ZNF527: variants seen among roughly 807,000 people sequenced by gnomAD.
ZNF527 encodes the protein zinc finger protein 527.
In ZNF527, 5 loss-of-function variants were observed where a neutral mutation model predicts 13.5. The observed-to-expected ratio is 0.37, with a 90% CI of 0.19 to 0.78. ZNF527 has a LOEUF of 0.78. ZNF527 is among the 30% of genes least tolerant of loss of function. The pLI is 0.48. For missense variants in ZNF527, 628 were observed against 726.4 expected (o/e 0.86, Z 1.56); for synonymous variants, 209 against 243.1 (o/e 0.86, Z 1.30).
At chr19:37,375,298 C>CTTTCT (rs1555826966) in intron 2 of ZNF527, among the ~76,000 whole-genome samples, 3 of 103,740 alleles carry the variant, frequency 2.9e-5, no homozygotes, top group Admixed American at 2.0e-4. Flanking sequence ...TTCTTTCTTT[C>CTTTCT]TTTCTTTCTT....
At chr19:37,372,278 C>T (rs981551657) in intron 1 of ZNF527, among the ~76,000 whole-genome samples, 1 of 151,786 alleles carries the variant, frequency 6.6e-6, no homozygotes, top group Non-Finnish European at 1.5e-5. Flanking sequence ...GGATTACAGG[C>T]GTGAGGCGCT....
In ZNF527 at chr19:37,380,317, G is replaced by C. The variant is rs2040643348; in HGVS notation, c.201G>C (p.Glu67Asp). The C allele has an allele frequency of 6.2e-7, 1 of 1,613,968 alleles. No individual in the cohort carries two copies. The highest frequency in any genetic ancestry group is 8.5e-7 in the Non-Finnish European group (1 of 1,179,970). The change falls in exon 4 of 5, where the codon GAG (glutamate) becomes GAC (aspartate). Residue 67 changes from glutamate to aspartate, a missense_variant. Around this residue, in one of 3 missense-constraint regions of ZNF527, gnomAD observed 592 missense variants for 678.0 expected, o/e 0.87. Transcript: ENST00000436120. ...AGCCCAACATGATCTCCTTACTGGA[G>C]CAAGGGAAGGAACCGTGGATGGTGG... ...ISKPNMISLL[E>D]QGKEPWMVER...
chr19:37,374,868 C>G (rs1400587493), intron 2 of ZNF527, among the ~76,000 whole-genome samples: 1 of 152,108 alleles, frequency 6.6e-6, no homozygotes, highest in Non-Finnish European at 1.5e-5. Context: ...CAGGGGAGTA[C>G]AGGTGGAAGC....
In ZNF527 at chr19:37,380,474, C is replaced by T. The variant is rs1055796880; in HGVS notation, c.256+102C>T. On this transcript the variant is annotated intron_variant, in intron 4 of 4. Transcript: ENST00000436120. The stretch of plus-strand genomic sequence containing the variant: ...CTTCAGGTGGGATGAGAACTGAAAT[C>T]TCCATAGTATGTGCTTCCCTAGAAA... 48 of 926,772 alleles carry T rather than the reference C, an allele frequency of 5.2e-5. No homozygotes were observed. The African/African-American group carries it at 5.6e-4, about 11-fold the overall frequency. 57.4% of individuals were successfully genotyped at this position (926,772 alleles called of 1,614,324 possible). A position where few individuals can be genotyped will look rare whatever the true frequency, so the allele number is the denominator to read the frequency against.
intron 4 of ZNF527, chr19:37,385,668 T>A (rs2040691808): frequency 3.9e-6 from 1 of 255,028 alleles, no homozygotes; most frequent in African/African-American, 2.2e-5. Context: ...AATTAACCTG[T>A]GGTAAAAACA....
rs1555826993 is a variant in ZNF527 at position 37,375,311 on chromosome 19, T to TTTTCTTTCTTTC, written c.33+1097_33+1108dup. 2.9e-3 allele frequency among the ~76,000 whole-genome samples: 229 copies of TTTTCTTTCTTTC among 79,812 alleles called. 3 individuals carry two copies. Among genetic ancestry groups the TTTTCTTTCTTTC allele is most frequent in the South Asian group, 7.8e-3 (16 of 2,062 alleles). The allele number at this position is 79,812 out of a possible 152,430, so 52.4% of individuals were successfully genotyped here. On this transcript the variant is annotated intron_variant, in intron 2 of 4. Coordinates refer to ENST00000436120, the MANE Select transcript of ZNF527 (RefSeq NM_032453.2). ...CTTTCTTTCTTTCTTTCTTTCTTTC[T>TTTTCTTTCTTTC]TTTCTTTCTTTCTTTCTTTCTTTCT... is the stretch of plus-strand genomic sequence containing the variant.
At chr19:37,379,465 T>TC (rs1455685550) in intron 3 of ZNF527, 2 of 307,410 alleles carry the variant, frequency 6.5e-6, no homozygotes, top group Non-Finnish European at 1.1e-5. Context: ...AATTTCTTTT[T>TC]TTTTTTTTTT....
rs532006208 is a variant in ZNF527, at chr19:37,390,219, G to A, written c.*340G>A. 38 of 191,204 alleles carry A rather than the reference G, an allele frequency of 2.0e-4. No individual in the cohort carries two copies. The South Asian group carries it at 3.1e-3, about 16-fold the overall frequency. 11.8% of individuals were successfully genotyped at this position (191,204 alleles called of 1,614,324 possible). ...AATTTTTGTATTTTTAGTAGAGACGGGGTTTCACCACATTGGTCAGGCTGA... is the reference window on the plus strand; with the variant it reads ...AATTTTTGTATTTTTAGTAGAGACGAGGTTTCACCACATTGGTCAGGCTGA... On this transcript the variant is annotated 3_prime_UTR_variant, in exon 5 of 5. Transcript: ENST00000436120.
chr19:37,371,623 T>C (rs2040557562), intron 1 of ZNF527, among the ~76,000 whole-genome samples: 1 of 152,208 alleles, frequency 6.6e-6, no homozygotes, highest in South Asian at 2.1e-4. Flanking sequence ...TTTGAATGTG[T>C]GTGACAGCAA....
intron 2 of ZNF527, among the ~76,000 whole-genome samples, chr19:37,377,039 AAAC>A (rs1465442642): frequency 6.6e-6 from 1 of 152,208 alleles, no homozygotes; most frequent in Non-Finnish European, 1.5e-5. Context: ...ACACTGGTCT[AAAC>A]AACTTACGGG....
At position 37,391,569 on chromosome 19, in the gene ZNF527, C is replaced by CAAAA. The variant is rs74923218; in HGVS notation, c.*1709_*1712dup. The CAAAA allele has an allele frequency of 3.4e-5, 5 of 145,446 alleles. No individual in the cohort carries two copies. The highest frequency in any genetic ancestry group is 1.0e-4 in the African/African-American group (4 of 39,602). The allele number at this position is 145,446 out of a possible 1,614,324, so 9.0% of individuals were successfully genotyped here. ...GGGCAACAAGAGCGAAACTCCTTCTCAAAAAAAAAAAAAAAAAAAAAATAA... is the reference window on the plus strand; with the variant it reads ...GGGCAACAAGAGCGAAACTCCTTCTCAAAAAAAAAAAAAAAAAAAAAAAAAATAA... On this transcript the variant is annotated 3_prime_UTR_variant, in exon 5 of 5. Coordinates refer to ENST00000436120, the MANE Select transcript of ZNF527 (RefSeq NM_032453.2).
At chr19:37,386,766 G>T (rs561653427) in intron 4 of ZNF527, among the ~76,000 whole-genome samples, 2 of 152,228 alleles carry the variant, frequency 1.3e-5, no homozygotes, top group South Asian at 4.1e-4. Context: ...CTTTTATTCA[G>T]CATTAAGTTA....
At chr19:37,383,006 C>T (rs933860604) in intron 4 of ZNF527, among the ~76,000 whole-genome samples, 18 of 152,098 alleles carry the variant, frequency 1.2e-4, no homozygotes, top group South Asian at 8.3e-4. Context: ...CATGCCCGGC[C>T]GTATATACGT....
chr19:37,379,083 T>G, intron 2 of ZNF527, 37 bp from the exon 3 acceptor site: 2 of 1,613,828 alleles, frequency 1.2e-6, no homozygotes, highest in Non-Finnish European at 1.7e-6. Flanking sequence ...CATATAGGTG[T>G]CTGGGCACCT....
intron 4 of ZNF527, among the ~76,000 whole-genome samples, chr19:37,388,077 A>G (rs1321442975): frequency 1.3e-5 from 2 of 152,132 alleles, no homozygotes; most frequent in Non-Finnish European, 2.9e-5. Context: ...TGTGTCCCCA[A>G]CTACCACCTC....
chr19:37,374,122 C>G, intron 1 of ZNF527, 36 bp from the exon 2 acceptor site: 2 of 1,418,386 alleles, frequency 1.4e-6, no homozygotes, highest in Non-Finnish European at 2.0e-6. Flanking sequence ...ACAGGGCTGG[C>G]ACATCATCAT....
chr19:37,384,739 A>C, intron 4 of ZNF527: 1 of 518,030 alleles, frequency 1.9e-6, no homozygotes, highest in Admixed American at 3.2e-5. Context: ...TGAGGAAGGG[A>C]AATGCTGTTA....
chr19:37,375,294 C>CTTTCTTTCTTTCTTTCTTTCTTTCTTTCT, intron 2 of ZNF527, among the ~76,000 whole-genome samples: 1 of 104,192 alleles, frequency 9.6e-6, no homozygotes, highest in East Asian at 2.8e-4. Context: ...TTCTTTCTTT[C>CTTTCTTTCTTTCTTTCTTTCTTTCTTTCT]TTTCTTTCTT....
intron 2 of ZNF527, among the ~76,000 whole-genome samples, chr19:37,375,298 C>CTTTCTTTCT (rs1555826964): frequency 2.0e-4 from 21 of 103,734 alleles, no homozygotes; most frequent in Non-Finnish European, 3.2e-4. Context: ...TTCTTTCTTT[C>CTTTCTTTCT]TTTCTTTCTT....
Sources: gnomAD v4.1 joint callset for allele counts (sites outside exome capture counted in the v4.1 genomes callset) on GRCh38, gnomAD v4.1.1 for gene constraint, gnomAD v4.1.1 regional missense constraint, MANE v1.5 for transcripts, NCBI Gene and HGNC (gene_info 2026-07-23, HGNC 2026-07-21) for gene names.